TLK2: variants seen among roughly 807,000 people sequenced by gnomAD.
The protein encoded by TLK2 is tousled like kinase 2, also known as serine/threonine-protein kinase tousled-like 2.
Under a neutral mutation model 117.3 loss-of-function variants are expected in TLK2, and 6 were observed. That is an observed-to-expected ratio of 0.05 (90% CI 0.03 to 0.10). TLK2 has a LOEUF of 0.10. Among genes scored for constraint, TLK2 ranks in the 10% least tolerant of loss-of-function variants. The probability of loss-of-function intolerance (pLI) is 1.00; values close to 1 mark genes in which losing one functional copy is unlikely to be tolerated. For synonymous variants in TLK2, 257 were observed against 316.7 expected (o/e 0.81, Z 2.00); for missense variants, 299 against 901.2 (o/e 0.33, Z 8.56).
chr17:62,579,305 C>CA lies in TLK2; in HGVS notation c.1286+732dup, dbSNP rs982289610. Among the ~76,000 whole-genome samples the CA allele has an allele frequency of 1.3e-5, 2 of 152,124 alleles. 1 individual carries two copies. The highest frequency in any genetic ancestry group is 4.8e-5 in the African/African-American group (2 of 41,418). On this transcript the variant is annotated intron_variant, in intron 14 of 21. Transcript: ENST00000346027. ...CTCTCATTTAATCCGCAGGATAACC[C>CA]AGTCATCTTTAATACATTAATCAGA...
chr17:62,496,105 A>C (rs1382500227), intron 2 of TLK2, among the ~76,000 whole-genome samples: 1 of 152,174 alleles, frequency 6.6e-6, no homozygotes, highest in African/African-American at 2.4e-5. Flanking sequence ...AAAGTTTCTT[A>C]TATTTGAGAG....
At chr17:62,543,896 C>T (rs1231309984) in intron 7 of TLK2, among the ~76,000 whole-genome samples, 1 of 152,090 alleles carries the variant, frequency 6.6e-6, no homozygotes, top group African/African-American at 2.4e-5. Flanking sequence ...GTAGCCAAGG[C>T]TTCACCTAAC....
Position 62,600,829 on chromosome 17 carries a change from A to G in TLK2, c.1720+9A>G, listed in dbSNP as rs370243249. The G allele has an allele frequency of 4.5e-5, 72 of 1,593,486 alleles. No homozygotes were observed. In the African/African-American group the frequency reaches 8.8e-4, roughly 19 times the overall value. Reference sequence around the variant, plus strand: ...CTATGACCTCAAACCAGGTATGTCTAACTTTTAGGAGACAGTATTAGTGGG... The same window carrying G: ...CTATGACCTCAAACCAGGTATGTCTGACTTTTAGGAGACAGTATTAGTGGG... On this transcript the variant is annotated intron_variant, in intron 18 of 21. Transcript: ENST00000346027.
rs751717660 is a variant in TLK2 at position 62,520,873 on chromosome 17, T to C, written c.153+29T>C. The C allele has an allele frequency of 3.1e-6, 5 of 1,608,894 alleles. No individual in the cohort carries two copies. The African/African-American group carries it at 6.7e-5, about 22-fold the overall frequency. ...AGAAGCTATGTTCATGGCAGGACTT[T>C]TCATACTTGTACGTTTGGGCCAGGT... On this transcript the variant is annotated intron_variant, in intron 3 of 21. Transcript: ENST00000346027.
intron 4 of TLK2, 72 bp from the exon 5 acceptor site, chr17:62,523,062 A>G (rs2145573420): frequency 2.8e-6 from 4 of 1,419,154 alleles, no homozygotes; most frequent in South Asian, 1.4e-5. Flanking sequence ...TACTGAATGT[A>G]TAGTACATTT....
At chr17:62,489,226 G>T in intron 2 of TLK2, among the ~76,000 whole-genome samples, 1 of 143,934 alleles carries the variant, frequency 6.9e-6, no homozygotes. Flanking sequence ...TTTGAGACAT[G>T]GTCTCACTGT....
intron 1 of TLK2, among the ~76,000 whole-genome samples, chr17:62,471,888 C>CTTTGTTTTTTTTTT (rs2070946940): frequency 2.6e-5 from 1 of 37,776 alleles, no homozygotes; most frequent in African/African-American, 1.1e-4. Flanking sequence ...GTAGTATAGT[C>CTTTGTTTTTTTTTT]TTTTTTTTTT....
intron 7 of TLK2, among the ~76,000 whole-genome samples, chr17:62,539,890 G>A (rs533497154): frequency 8.8e-4 from 134 of 152,198 alleles, no homozygotes; most frequent in African/African-American, 3.0e-3. Flanking sequence ...CCAGGGCTCT[G>A]CCCTGAATTT....
At chr17:62,501,602 T>TA (rs921888282) in intron 2 of TLK2, among the ~76,000 whole-genome samples, 95 of 145,430 alleles carry the variant, frequency 6.5e-4, no homozygotes, top group Non-Finnish European at 8.2e-4. Context: ...AAAAACAAAT[T>TA]AAAAAAAAAA....
At chr17:62,521,043 T>C (rs2076009010) in intron 3 of TLK2, among the ~76,000 whole-genome samples, 199 bp downstream of exon 3, 1 of 152,160 alleles carries the variant, frequency 6.6e-6, no homozygotes, top group African/African-American at 2.4e-5. Flanking sequence ...GGTACACACC[T>C]GTGGCCCCAG....
At chr17:62,582,833 C>T (rs1406105046) in intron 15 of TLK2, among the ~76,000 whole-genome samples, 1 of 152,114 alleles carries the variant, frequency 6.6e-6, no homozygotes, top group African/African-American at 2.4e-5. Flanking sequence ...CATTCTGTTA[C>T]TCTGAATTTG....
In TLK2 at chr17:62,602,043, T is replaced by C. The variant is rs769632145; in HGVS notation, c.1722T>C (p.Gly574=). 1.5e-5 allele frequency: 24 copies of C among 1,609,006 alleles called. No individual in the cohort carries two copies. Among genetic ancestry groups the C allele is most frequent in the Admixed American group, 3.4e-5 (2 of 59,392 alleles). The change falls in exon 19 of 22, where the codon GGT becomes GGC. Residue 574 remains glycine, a splice_region_variant and synonymous_variant. Coordinates refer to ENST00000346027, the MANE Select transcript of TLK2 (RefSeq NM_006852.6). ...TTCATGAAGGTTTTTATTTTTTAGG[T>C]AATATTCTTTTAGTAAATGGTACAG... ...PPIIHYDLKP[G]NILLVNGTAC...
intron 7 of TLK2, among the ~76,000 whole-genome samples, chr17:62,545,285 A>G (rs552504994): frequency 5.3e-5 from 8 of 152,294 alleles, no homozygotes; most frequent in African/African-American, 1.4e-4. Context: ...TCAGCTTCCT[A>G]AAGTGCTGGG....
intron 16 of TLK2, among the ~76,000 whole-genome samples, chr17:62,591,376 C>T (rs2082070269): frequency 2.0e-5 from 3 of 150,734 alleles, no homozygotes; most frequent in Admixed American, 6.6e-5. Context: ...AAAAAACCAG[C>T]GTGGAGCTAC....
At chr17:62,534,881 CTTTTTTTTTTTTTTT>C (rs386386398) in intron 6 of TLK2, among the ~76,000 whole-genome samples, 14 of 72,988 alleles carry the variant, frequency 1.9e-4, no homozygotes, top group African/African-American at 1.7e-4. Flanking sequence ...TAATTCCAGT[CTTTTTTTTTTTTTTT>C]TTTTTTTTTG....
intron 7 of TLK2, among the ~76,000 whole-genome samples, chr17:62,551,138 T>A (rs1567902415): frequency 6.6e-6 from 1 of 152,182 alleles, no homozygotes; most frequent in Non-Finnish European, 1.5e-5. Flanking sequence ...TTTGTAAGAA[T>A]TAACCTGTGA....
At chr17:62,544,339 G>A (rs761163597) in intron 7 of TLK2, among the ~76,000 whole-genome samples, 10 of 152,176 alleles carry the variant, frequency 6.6e-5, no homozygotes, top group Admixed American at 2.0e-4. Flanking sequence ...GGGAGAAGGT[G>A]AAGGAGAAGC....
At chr17:62,586,075 C>T in intron 15 of TLK2, 60 bp from the exon 16 acceptor site, 3 of 1,282,870 alleles carry the variant, frequency 2.3e-6, no homozygotes, top group Admixed American at 2.1e-5. Flanking sequence ...TAAAGCTTCA[C>T]ATCAGTTACC....
intron 1 of TLK2, among the ~76,000 whole-genome samples, chr17:62,472,204 C>A (rs148000211): frequency 1.7e-3 from 264 of 152,042 alleles, no homozygotes; most frequent in African/African-American, 6.1e-3. Flanking sequence ...CCGCGCCCAG[C>A]AGTATAGTCT....
Sources: allele counts gnomAD v4.1 joint callset (sites outside exome capture counted in the v4.1 genomes callset), GRCh38; gene constraint gnomAD v4.1.1; transcripts MANE v1.5; gene names NCBI Gene and HGNC (gene_info 2026-07-23, HGNC 2026-07-21).